Variants in EVC observed in about 807,000 individuals in gnomAD.
The protein encoded by EVC is evC complex member EVC.
A neutral mutation model predicts 118.9 loss-of-function variants in EVC; 116 were observed. The ratio of observed to expected loss-of-function variants is 0.98; its 90% CI spans 0.84 to 1.14. The LOEUF is 1.14. Among genes scored for constraint, EVC ranks in the 50% most tolerant of loss-of-function variants. EVC has a pLI of 0.00. For missense variants in EVC, 1,401 were observed against 1,246.4 expected (o/e 1.12, Z -1.87); for synonymous variants, 619 against 534.7 (o/e 1.16, Z -2.18).
At chr4:5,757,154 G>A (rs1371046875) in intron 11 of EVC, among the ~76,000 whole-genome samples, 1 of 152,196 alleles carries the variant, frequency 6.6e-6, no homozygotes, top group Non-Finnish European at 1.5e-5. Context: ...GGAGGACTGT[G>A]TTTGGGGACC....
chr4:5,748,162 GA>G lies in EVC; in HGVS notation c.957del (p.Lys319AsnfsTer24), dbSNP rs1468720826. The G allele has an allele frequency of 1.2e-6, 2 of 1,614,030 alleles. No homozygotes were observed. The highest frequency in any genetic ancestry group is 1.3e-5 in the African/African-American group (1 of 74,914). On this transcript the variant is annotated frameshift_variant, in exon 8 of 21. Coordinates refer to ENST00000264956, the MANE Select transcript of EVC (RefSeq NM_153717.3). LOFTEE classifies it high-confidence loss of function. ...TCATTTCACAGATGGAAGCTTTCTGGAAACAGATGGCAAATATCCAGCACTT... is the reference window on the plus strand; with the variant it reads ...TCATTTCACAGATGGAAGCTTTCTGGAACAGATGGCAAATATCCAGCACTT... ...QLIDNMEAFW[K>X]QMANIQHFLV...
intron 5 of EVC, among the ~76,000 whole-genome samples, chr4:5,735,501 C>G (rs13112028): frequency 6.6e-6 from 1 of 152,182 alleles, no homozygotes; most frequent in Non-Finnish European, 1.5e-5. Flanking sequence ...TCAAGCTGCC[C>G]TGCTTTGAGA....
rs1473997297 is a variant in EVC at position 5,717,588 on chromosome 4, A to C, written c.175-1660A>C. On this transcript the variant is annotated intron_variant, in intron 1 of 20. Coordinates refer to ENST00000264956, the MANE Select transcript of EVC (RefSeq NM_153717.3). ...TGCTATGGTTGGTAAACAACCCCCC[A>C]AATCTCTGGCTTCATCATCCACCCC... 2.0e-5 allele frequency among the ~76,000 whole-genome samples: 3 copies of C among 152,136 alleles called. No individual in the cohort carries two copies. The East Asian group carries it at 5.8e-4, about 29-fold the overall frequency.
intron 12 of EVC, among the ~76,000 whole-genome samples, chr4:5,785,550 T>C (rs1263602152): frequency 2.0e-5 from 3 of 152,226 alleles, no homozygotes; most frequent in African/African-American, 7.2e-5. Flanking sequence ...CAGGGCCTAG[T>C]TGCCTGCCCG....
chr4:5,768,516 A>C, intron 11 of EVC, among the ~76,000 whole-genome samples: 1 of 152,138 alleles, frequency 6.6e-6, no homozygotes, highest in East Asian at 1.9e-4. Flanking sequence ...AAATAATCTC[A>C]CGTGGGTAAA....
Position 5,755,124 on chromosome 4 carries a change from A to G in EVC, c.1465-1140A>G, listed in dbSNP as rs934643063. Among the ~76,000 whole-genome samples the G allele has an allele frequency of 6.6e-6, 1 of 152,126 alleles. No individual in the cohort carries two copies. Among genetic ancestry groups the G allele is most frequent in the Admixed American group, 6.5e-5 (1 of 15,286 alleles). On this transcript the variant is annotated intron_variant, in intron 10 of 20. Transcript: ENST00000264956. The surrounding 1 kb of genome is among the most constrained non-coding windows in gnomAD (Gnocchi z 4.1). ...CATACTTGGAGCTTCTGCATTTGCC[A>G]CAAAGGGGTAGGGTAGGTTTTTCTA...
chr4:5,737,704 AC>A lies in EVC; in HGVS notation c.703-4011del, dbSNP rs1185252586. 6.6e-6 allele frequency among the ~76,000 whole-genome samples: 1 copy of A among 152,130 alleles called. No individual in the cohort carries two copies. The highest frequency in any genetic ancestry group is 1.5e-5 in the Non-Finnish European group (1 of 67,988). On this transcript the variant is annotated intron_variant, in intron 5 of 20. Coordinates refer to ENST00000264956, the MANE Select transcript of EVC (RefSeq NM_153717.3). This position sits in a 1 kb window ranked among gnomAD's most constrained non-coding sequence, Gnocchi z 5.0. ...GCTGTTTATAGCATAGTTTAAGCCC[AC>A]TATTGACACCTACTGCCCAGAAAAT...
rs150065352 is a variant in EVC at position 5,808,206 on chromosome 4, T to A, written c.2567T>A (p.Leu856Gln). ...GCCTGCCTTCCTCCCCCCAGGATGC[T>A]GTCCCAGCAGAAGAGGTTCCTGGCC... ...ETSQAVHQRM[L>Q]SQQKRFLAQF... is the part of the protein sequence containing the mutation. Residue 856 changes from leucine to glutamine, a missense_variant, in exon 18 of 21, where the codon CTG becomes CAG. Physicochemically the swap from Leu to Gln is moderately radical, Grantham distance 113 (BLOSUM62 -2). Coordinates refer to ENST00000264956, the MANE Select transcript of EVC (RefSeq NM_153717.3). 5.9e-6 allele frequency: 8 copies of A among 1,367,514 alleles called. No homozygotes were observed. In the African/African-American group the frequency reaches 1.6e-4, roughly 27 times the overall value. 84.7% of individuals were successfully genotyped at this position (1,367,514 alleles called of 1,614,324 possible). A position where few individuals can be genotyped will look rare whatever the true frequency, so the allele number is the denominator to read the frequency against.
chr4:5,712,800 A>G (rs150756748), intron 1 of EVC, among the ~76,000 whole-genome samples: 64 of 152,250 alleles, frequency 4.2e-4, no homozygotes, highest in African/African-American at 1.4e-3. Context: ...ACACTAAGAG[A>G]TGCTGGCTTG....
At chr4:5,822,962 C>A in the EVC span, among the ~76,000 whole-genome samples, 1,899 of 152,332 alleles carry the variant, frequency 0.012, 30 homozygotes, top group Middle Eastern at 0.024. Context: ...CGGCTCCTTT[C>A]TTGCTGACCT....
rs140411147 is a variant in EVC, at chr4:5,729,219, A to G, written c.301-88A>G. The G allele has an allele frequency of 5.7e-4, 688 of 1,214,626 alleles. 2 individuals are homozygous for G. In the African/African-American group the frequency reaches 8.9e-3, roughly 16 times the overall value. 75.2% of individuals were successfully genotyped at this position (1,214,626 alleles called of 1,614,324 possible). A position where few individuals can be genotyped will look rare whatever the true frequency, so the allele number is the denominator to read the frequency against. On this transcript the variant is annotated intron_variant, in intron 2 of 20. Coordinates refer to ENST00000264956, the MANE Select transcript of EVC (RefSeq NM_153717.3). ...GTCCCTTTCTGAGGCTGCTATTACA[A>G]ATGGGATGTGGCATTTTGGAAAAAC...
chr4:5,772,976 C>T (rs904420514), intron 11 of EVC, among the ~76,000 whole-genome samples: 1 of 152,280 alleles, frequency 6.6e-6, no homozygotes, highest in Non-Finnish European at 1.5e-5. Context: ...CTTCCATCCT[C>T]CTGGTCATCA....
At chr4:5,767,053 C>G (rs112964140) in intron 11 of EVC, among the ~76,000 whole-genome samples, 1 of 146,900 alleles carries the variant, frequency 6.8e-6, no homozygotes, top group Non-Finnish European at 1.5e-5. Flanking sequence ...TGGACTTTGA[C>G]GATGGTGATG....
intron 11 of EVC, among the ~76,000 whole-genome samples, chr4:5,772,720 A>G (rs1734171753): frequency 6.6e-6 from 1 of 151,912 alleles, no homozygotes. Flanking sequence ...GGTCCACACA[A>G]CCTGGCCCAC....
chr4:5,758,246 A>G (rs1346725436), intron 11 of EVC: 4 of 640,216 alleles, frequency 6.2e-6, no homozygotes, highest in Non-Finnish European at 8.3e-6. Flanking sequence ...AGGCTCTGCC[A>G]ACACCTTGGT....
chr4:5,772,171 C>T (rs766726400), intron 11 of EVC, among the ~76,000 whole-genome samples: 1 of 152,184 alleles, frequency 6.6e-6, no homozygotes. Context: ...GCTGGGATTA[C>T]AGGCGTGAGC....
intron 12 of EVC, among the ~76,000 whole-genome samples, chr4:5,786,601 C>T (rs551296295): frequency 1.5e-4 from 23 of 152,256 alleles, no homozygotes; most frequent in Admixed American, 3.9e-4. Context: ...TAGCCGGGTG[C>T]GGTGGCTCAC....
chr4:5,815,872 G>A (rs1717593042), downstream of EVC, among the ~76,000 whole-genome samples: 1 of 152,220 alleles, frequency 6.6e-6, no homozygotes, highest in African/African-American at 2.4e-5. Flanking sequence ...TGGAAGGAAG[G>A]GAGGGAGGCC....
In EVC at chr4:5,812,895, T is replaced by A. The variant is rs569370338; in HGVS notation, c.*1858T>A. The A allele has an allele frequency of 2.0e-5, 3 of 152,330 alleles. No individual in the cohort carries two copies. In the East Asian group the frequency reaches 5.8e-4, roughly 29 times the overall value. The allele number at this position is 152,330 out of a possible 1,614,324, so 9.4% of individuals were successfully genotyped here. A position where few individuals can be genotyped will look rare whatever the true frequency, so the allele number is the denominator to read the frequency against. On this transcript the variant is annotated 3_prime_UTR_variant, in exon 21 of 21. Transcript: ENST00000264956. ...CAAAGGGTGCCTTGCCCTGGTCTAA[T>A]CCAGGACATAGCCGTGGATACGTCC...
Sources: gnomAD v4.1 joint callset for allele counts (sites outside exome capture counted in the v4.1 genomes callset) on GRCh38, gnomAD v4.1.1 for gene constraint, Gnocchi (gnomAD v3.1) non-coding constraint, MANE v1.5 for transcripts, NCBI Gene and HGNC (gene_info 2026-07-23, HGNC 2026-07-21) for gene names.